The following PTPRJ variants were observed in gnomAD, a reference collection of about 807,000 sequenced individuals.
PTPRJ encodes receptor-type tyrosine-protein phosphatase eta.
Under a neutral mutation model 141.3 loss-of-function variants are expected in PTPRJ, and 129 were observed. The ratio of observed to expected loss-of-function variants is 0.91; its 90% CI spans 0.79 to 1.06. The LOEUF (loss-of-function observed/expected upper bound fraction) is 1.06, where lower values mean the gene tolerates loss of function less well. Ranked by LOEUF, PTPRJ falls within the 50% of genes least tolerant of loss-of-function variation. PTPRJ has a pLI of 0.00. For synonymous variants in PTPRJ, 610 were observed against 640.5 expected, an observed-to-expected ratio of 0.95 and a Z score of 0.72; for missense variants, 1,601 against 1,679.7, an observed-to-expected ratio of 0.95 and a Z score of 0.82.
chr11:48,130,078 T>G (rs1265749007), intron 7 of PTPRJ, among the ~76,000 whole-genome samples: 2 of 151,182 alleles, frequency 1.3e-5, no homozygotes, highest in African/African-American at 4.9e-5. Context: ...GGGTCAAGAC[T>G]GGTCTCTCTC....
At chr11:48,011,208 A>G (rs983823018) in intron 1 of PTPRJ, among the ~76,000 whole-genome samples, 4 of 152,114 alleles carry the variant, frequency 2.6e-5, no homozygotes, top group African/African-American at 9.7e-5. Context: ...TAGTTTTGCT[A>G]CCTTTCATAG....
chr11:48,048,695 G>A (rs1311541750), intron 1 of PTPRJ, among the ~76,000 whole-genome samples: 2 of 152,212 alleles, frequency 1.3e-5, no homozygotes, highest in East Asian at 3.8e-4. Context: ...TAGGGAGGCT[G>A]AGGCAGGAGA....
chr11:48,030,606 G>C (rs1853953500), intron 1 of PTPRJ, among the ~76,000 whole-genome samples: 1 of 152,204 alleles, frequency 6.6e-6, no homozygotes, highest in Non-Finnish European at 1.5e-5. Context: ...AGCCGGGCAT[G>C]GTGGTGTGTG....
chr11:48,159,938 T>G lies in PTPRJ; in HGVS notation c.3447T>G (p.Cys1149Trp). The stretch of plus-strand genomic sequence containing the variant: ...ATGCAATTTTGTTCTAGACCAAATG[T>G]GAGGAGTATTGGCCCTCCAAGCAGG... ...TKCVEQGRTKCEEYWPSKQAQ... is the reference protein window; with the variant it reads ...TKCVEQGRTKWEEYWPSKQAQ... The change falls in exon 22 of 25, where the codon TGT becomes TGG. Residue 1149 changes from cysteine to tryptophan, a missense_variant. Coordinates refer to ENST00000418331, the MANE Select transcript of PTPRJ (RefSeq NM_002843.4). 6.2e-7 allele frequency: 1 copy of G among 1,613,964 alleles called. No homozygotes were observed. The highest frequency in any genetic ancestry group is 8.5e-7 in the Non-Finnish European group (1 of 1,179,900).
chr11:48,035,850 C>T (rs1299533340), intron 1 of PTPRJ, among the ~76,000 whole-genome samples: 5 of 152,078 alleles, frequency 3.3e-5, no homozygotes, highest in African/African-American at 1.2e-4. Flanking sequence ...CTTTCTTCCC[C>T]CTCTGTCTTC....
intron 1 of PTPRJ, among the ~76,000 whole-genome samples, chr11:48,058,739 C>G (rs1854829661): frequency 6.6e-6 from 1 of 152,008 alleles, no homozygotes; most frequent in South Asian, 2.1e-4. Flanking sequence ...ATGAGGCCAC[C>G]AGAATTATCT....
intron 1 of PTPRJ, among the ~76,000 whole-genome samples, chr11:48,011,866 G>T (rs1264611325): frequency 6.6e-6 from 1 of 152,142 alleles, no homozygotes; most frequent in African/African-American, 2.4e-5. Context: ...GTCTTACCAG[G>T]TCGCCCAGGC....
At chr11:47,995,851 A>T (rs1854320826) in intron 1 of PTPRJ, among the ~76,000 whole-genome samples, 1 of 152,040 alleles carries the variant, frequency 6.6e-6, no homozygotes, top group South Asian at 2.1e-4. Flanking sequence ...CAGCCTGACC[A>T]ACATGGTGAA....
At chr11:48,083,360 C>T (rs1429101519) in intron 1 of PTPRJ, among the ~76,000 whole-genome samples, 1 of 152,182 alleles carries the variant, frequency 6.6e-6, no homozygotes, top group Non-Finnish European at 1.5e-5. Context: ...ACCCGGGAGG[C>T]GAAGGTTGCA....
chr11:48,167,178 G>A, intron 24 of PTPRJ, 26 bp from the exon 25 acceptor site: 4 of 1,591,468 alleles, frequency 2.5e-6, no homozygotes, highest in South Asian at 2.2e-5. Flanking sequence ...TTCATTTTCT[G>A]TCTCTCTCTT....
chr11:48,064,118 CT>C (rs898581580), intron 1 of PTPRJ, among the ~76,000 whole-genome samples: 19 of 152,074 alleles, frequency 1.2e-4, no homozygotes, highest in Non-Finnish European at 2.1e-4. Context: ...CTGCTCCCAG[CT>C]TGTGTTTCCT....
At chr11:48,074,477 A>G (rs1318978415) in intron 1 of PTPRJ, among the ~76,000 whole-genome samples, 1 of 152,218 alleles carries the variant, frequency 6.6e-6, no homozygotes, top group African/African-American at 2.4e-5. Context: ...ACGATGCATT[A>G]TATAAACCAG....
intron 15 of PTPRJ, 150 bp downstream of exon 15, chr11:48,147,113 T>A: frequency 1.4e-6 from 1 of 708,466 alleles, no homozygotes; most frequent in Non-Finnish European, 2.4e-6. Flanking sequence ...CCAGTCCTAT[T>A]TCCTCTGCGC....
intron 1 of PTPRJ, among the ~76,000 whole-genome samples, chr11:48,086,201 G>A (rs1166122203): frequency 1.3e-5 from 2 of 152,020 alleles, no homozygotes; most frequent in African/African-American, 4.8e-5. Flanking sequence ...TTTTTGAGAC[G>A]GAGTCTCTGT....
intron 1 of PTPRJ, among the ~76,000 whole-genome samples, chr11:48,033,046 C>T (rs896117098): frequency 4.6e-5 from 7 of 150,924 alleles, no homozygotes; most frequent in African/African-American, 9.8e-5. Flanking sequence ...AGTGAGACTC[C>T]GTCTCTATTA....
At chr11:48,061,412 A>G (rs974221161) in intron 1 of PTPRJ, among the ~76,000 whole-genome samples, 1 of 151,932 alleles carries the variant, frequency 6.6e-6, no homozygotes, top group Non-Finnish European at 1.5e-5. Flanking sequence ...TGGGGGATTG[A>G]CTCTGGCATG....
At chr11:48,058,489 G>A (rs61914722) in intron 1 of PTPRJ, among the ~76,000 whole-genome samples, 4,590 of 152,098 alleles carry the variant, frequency 0.03, 104 homozygotes, top group Non-Finnish European at 0.046. Flanking sequence ...CTAGGATTAC[G>A]GGTGTGAGCC....
At chr11:48,099,888 A>G (rs1472979414) in intron 1 of PTPRJ, among the ~76,000 whole-genome samples, 1 of 152,186 alleles carries the variant, frequency 6.6e-6, no homozygotes, top group Non-Finnish European at 1.5e-5. Context: ...TTGAAGTTGA[A>G]TAATGCCCTA....
intron 1 of PTPRJ, among the ~76,000 whole-genome samples, chr11:48,005,065 T>C (rs993384180): frequency 6.6e-6 from 1 of 150,584 alleles, no homozygotes; most frequent in Non-Finnish European, 1.5e-5. Context: ...CTACTAAAAA[T>C]ACAAAAATTA....
Sources: gnomAD v4.1 joint callset for allele counts (sites outside exome capture counted in the v4.1 genomes callset) on GRCh38, gnomAD v4.1.1 for gene constraint, MANE v1.5 for transcripts, NCBI Gene and HGNC (gene_info 2026-07-23, HGNC 2026-07-21) for gene names.